DLC1: variants seen among roughly 807,000 people sequenced by gnomAD.
DLC1 encodes the protein rho GTPase-activating protein 7.
In DLC1, 54 loss-of-function variants were observed where a neutral mutation model predicts 140.3. The ratio of observed to expected loss-of-function variants is 0.38; its 90% CI spans 0.31 to 0.48. DLC1 has a LOEUF of 0.48. Ranked by LOEUF, DLC1 falls within the 20% of genes least tolerant of loss-of-function variation. The pLI is 0.96. For missense variants in DLC1, 2,536 were observed against 1,907.0 expected (o/e 1.33, Z -6.14); for synonymous variants, 986 against 728.1 (o/e 1.35, Z -5.70).
intron 4 of DLC1, among the ~76,000 whole-genome samples, chr8:13,348,811 G>A (rs969912951): frequency 6.6e-6 from 1 of 152,188 alleles, no homozygotes; most frequent in African/African-American, 2.4e-5. Context: ...TCTCTGGAAA[G>A]TAGGTGGACT....
At chr8:13,200,235 A>AT (rs202058106) in intron 5 of DLC1, among the ~76,000 whole-genome samples, 3 of 149,386 alleles carry the variant, frequency 2.0e-5, no homozygotes, top group East Asian at 2.0e-4. Context: ...GTATATATAT[A>AT]TTTTTTTTAG....
rs1818190112 is a variant in DLC1, at chr8:13,092,821, C to A, written c.3531G>T (p.Val1177=). 1.9e-6 allele frequency: 3 copies of A among 1,611,516 alleles called. No homozygotes were observed. The African/African-American group carries it at 4.0e-5, about 22-fold the overall frequency. Residue 1177 remains valine, a synonymous_variant, in exon 13 of 18, where the codon GTG becomes GTT. Transcript: ENST00000276297. ...TGGCCTGCAGGCGCTGGTCCTTGGG[C>A]ACATCTGCACGACACCAGCACTTTC... The part of the protein sequence containing the change: ...SETFLQIYQY[V]PKDQRLQAIK...
chr8:13,198,204 T>G (rs1827177577), intron 5 of DLC1, among the ~76,000 whole-genome samples: 2 of 152,190 alleles, frequency 1.3e-5, no homozygotes. Flanking sequence ...TCTGGGCTAA[T>G]AATTAAATTT....
At chr8:13,424,611 C>T (rs970997833) in intron 2 of DLC1, among the ~76,000 whole-genome samples, 7 of 151,968 alleles carry the variant, frequency 4.6e-5, no homozygotes, top group Non-Finnish European at 1.0e-4. Context: ...CTGGCTCTGT[C>T]GTCCAGGCTG....
intron 4 of DLC1, among the ~76,000 whole-genome samples, chr8:13,372,176 G>A (rs1056216180): frequency 2.6e-5 from 4 of 151,984 alleles, no homozygotes; most frequent in Admixed American, 6.6e-5. Flanking sequence ...CTTTGATAGT[G>A]GGAAATAGAA....
upstream of DLC1, among the ~76,000 whole-genome samples, chr8:13,518,052 G>C (rs11779662): frequency 0.14 from 21,309 of 152,074 alleles, 2,556 homozygotes; most frequent in East Asian, 0.56. Context: ...TCTGTGGAAA[G>C]AAGAATAGCA....
In DLC1 at chr8:13,100,824, G is replaced by C. The variant is rs964869549; in HGVS notation, c.1567-54C>G. The C allele has an allele frequency of 1.5e-5, 22 of 1,512,308 alleles. No individual in the cohort carries two copies. The African/African-American group carries it at 2.5e-4, about 17-fold the overall frequency. The allele number at this position is 1,512,308 out of a possible 1,614,324, so 93.7% of individuals were successfully genotyped here. ...CACTGGGGCTGGCAGCCAGCAGGGA[G>C]CAGGGCATGAGCAGGAGGCTGCTCA... is the stretch of plus-strand genomic sequence containing the variant. On this transcript the variant is annotated intron_variant, in intron 8 of 17. Transcript: ENST00000276297.
At chr8:13,474,942 C>A (rs942452523) in intron 2 of DLC1, among the ~76,000 whole-genome samples, 1 of 152,120 alleles carries the variant, frequency 6.6e-6, no homozygotes, top group Non-Finnish European at 1.5e-5. Flanking sequence ...GGACTGTGGA[C>A]TTTTCAGTTA....
chr8:13,500,717 C>G (rs541341340), intron 1 of DLC1, among the ~76,000 whole-genome samples: 1 of 152,204 alleles, frequency 6.6e-6, no homozygotes, highest in East Asian at 1.9e-4. Flanking sequence ...CGAACCCAAA[C>G]GACCAGTATG....
At position 13,085,618 on chromosome 8, in the gene DLC1, G is replaced by C; in HGVS notation, c.*193C>G. 1.5e-6 allele frequency: 1 copy of C among 675,910 alleles called. No homozygotes were observed. The highest frequency in any genetic ancestry group is 2.2e-6 in the Non-Finnish European group (1 of 448,970). 41.9% of individuals were successfully genotyped at this position (675,910 alleles called of 1,614,324 possible). A position where few individuals can be genotyped will look rare whatever the true frequency, so the allele number is the denominator to read the frequency against. On this transcript the variant is annotated 3_prime_UTR_variant, in exon 18 of 18. Coordinates refer to ENST00000276297, the MANE Select transcript of DLC1 (RefSeq NM_182643.3). ...GCACAGTCTTACATATTCCAGTCAA[G>C]GTCTATGAATACAGACCCTCAACAA...
At chr8:13,193,416 A>G (rs528138753) in intron 5 of DLC1, among the ~76,000 whole-genome samples, 193 of 152,268 alleles carry the variant, frequency 1.3e-3, no homozygotes, top group African/African-American at 4.4e-3. Flanking sequence ...TGTTATTTCT[A>G]AAGTAGGACT....
At position 13,500,129 on chromosome 8, in the gene DLC1, G is replaced by A. The variant is rs1801740571; in HGVS notation, c.-58C>T. On this transcript the variant is annotated 5_prime_UTR_variant, in exon 2 of 18. Transcript: ENST00000276297. ...TATTCCATATGAGGGTAAAGGAGATGGAACTTGATGAAAGATTATTTCAAA... is the reference window on the plus strand; with the variant it reads ...TATTCCATATGAGGGTAAAGGAGATAGAACTTGATGAAAGATTATTTCAAA... The A allele has an allele frequency of 3.6e-6, 5 of 1,383,468 alleles. No homozygotes were observed. Among genetic ancestry groups the A allele is most frequent in the Admixed American group, 2.1e-5 (1 of 47,640 alleles). The allele number at this position is 1,383,468 out of a possible 1,614,324, so 85.7% of individuals were successfully genotyped here.
intron 4 of DLC1, among the ~76,000 whole-genome samples, chr8:13,369,845 G>A (rs1627876): frequency 0.65 from 97,062 of 149,328 alleles, 32,184 homozygotes; most frequent in East Asian, 0.84. Flanking sequence ...CTCTCCGATC[G>A]TCTCCTCAGA....
intron 2 of DLC1, among the ~76,000 whole-genome samples, chr8:13,457,785 T>C (rs1440113396): frequency 6.6e-6 from 1 of 151,746 alleles, no homozygotes; most frequent in Non-Finnish European, 1.5e-5. Context: ...TGATTCCCGA[T>C]GATCCCTGCC....
At chr8:13,547,710 C>T (rs1042832282) in intron 1 of DLC1, among the ~76,000 whole-genome samples, 1 of 152,044 alleles carries the variant, frequency 6.6e-6, no homozygotes, top group African/African-American at 2.4e-5. Flanking sequence ...CGACTAATAA[C>T]AAAATATTTA....
Position 13,115,582 on chromosome 8 carries a change from T to C in DLC1, c.1420+4A>G. The stretch of plus-strand genomic sequence containing the variant: ...ACTTTTAAAAAGTGGCATTCCCAGC[T>C]TACCTTCATAAAGCTGTGCATACTG... On this transcript the variant is annotated splice_donor_region_variant and intron_variant, in intron 6 of 17. Transcript: ENST00000276297. The C allele has an allele frequency of 1.2e-6, 2 of 1,612,388 alleles. No individual in the cohort carries two copies. Among genetic ancestry groups the C allele is most frequent in the Non-Finnish European group, 1.7e-6 (2 of 1,179,328 alleles).
intron 2 of DLC1, among the ~76,000 whole-genome samples, chr8:13,415,938 G>A (rs1445730608): frequency 6.6e-6 from 1 of 152,126 alleles, no homozygotes; most frequent in Non-Finnish European, 1.5e-5. Flanking sequence ...ATTTCTCCTG[G>A]GAAGTTTCAA....
At chr8:13,328,794 C>G (rs560770840) in intron 4 of DLC1, among the ~76,000 whole-genome samples, 1 of 134,930 alleles carries the variant, frequency 7.4e-6, no homozygotes, top group Admixed American at 7.2e-5. Context: ...AAGGGGAAGA[C>G]CAGAAAAGTG....
chr8:13,443,278 C>G (rs1798618228), intron 2 of DLC1, among the ~76,000 whole-genome samples: 1 of 148,974 alleles, frequency 6.7e-6, no homozygotes, highest in African/African-American at 2.5e-5. Context: ...GGGTGCAGCA[C>G]ACCAACATGG....
Sources: gnomAD v4.1 joint callset for allele counts (sites outside exome capture counted in the v4.1 genomes callset) on GRCh38, gnomAD v4.1.1 for gene constraint, MANE v1.5 for transcripts, NCBI Gene and HGNC (gene_info 2026-07-23, HGNC 2026-07-21) for gene names.